The following KANSL1 variants were observed in gnomAD, a reference collection of about 807,000 sequenced individuals.
KANSL1 encodes the protein MLL1/MLL complex subunit KANSL1.
A neutral mutation model predicts 103.6 loss-of-function variants in KANSL1; 22 were observed. That is an observed-to-expected ratio of 0.21 (90% CI 0.15 to 0.30). KANSL1 has a LOEUF of 0.30. KANSL1 is among the 10% of genes least tolerant of loss of function. The pLI, the probability that KANSL1 is intolerant of heterozygous loss-of-function variation, is 1.00. For missense variants in KANSL1, 1,337 were observed against 1,399.8 expected (o/e 0.96, Z 0.72); for synonymous variants, 600 against 527.6 (o/e 1.14, Z -1.88).
chr17:46,059,647 A>AAAAAGAG lies in KANSL1; in HGVS notation c.1848+6889_1848+6890insCTCTTTT, dbSNP rs541946204. On this transcript the variant is annotated intron_variant, in intron 6 of 14. Coordinates refer to ENST00000432791, the MANE Select transcript of KANSL1 (RefSeq NM_015443.4). The stretch of plus-strand genomic sequence containing the variant: ...TGACTCCAAAAAAAAAAAAAAAAAA[A>AAAAAGAG]AGAGAGAGAGAGAGAGAGAAAAGGA... 1.6e-4 allele frequency among the ~76,000 whole-genome samples: 9 copies of AAAAAGAG among 54,872 alleles called. No individual in the cohort carries two copies. In the East Asian group the frequency reaches 2.1e-3, roughly 13 times the overall value. The allele number at this position is 54,872 out of a possible 152,430, so 36.0% of individuals were successfully genotyped here. A position where few individuals can be genotyped will look rare whatever the true frequency, so the allele number is the denominator to read the frequency against.
intron 1 of KANSL1, among the ~76,000 whole-genome samples, chr17:46,189,443 A>G (rs145993368): frequency 2.2e-3 from 339 of 152,308 alleles, no homozygotes; most frequent in African/African-American, 7.8e-3. Flanking sequence ...TAATGGACTC[A>G]CCAAGAAGAA....
intron 4 of KANSL1, among the ~76,000 whole-genome samples, chr17:46,068,047 AAAGT>A (rs2078446888): frequency 6.6e-6 from 1 of 152,150 alleles, no homozygotes; most frequent in Non-Finnish European, 1.5e-5. Flanking sequence ...GTACAGACTA[AAAGT>A]AAGTACCTAT....
chr17:46,094,352 C>T, intron 3 of KANSL1: 2 of 600,808 alleles, frequency 3.3e-6, no homozygotes, highest in South Asian at 2.2e-5. Context: ...CTGCCTTGGC[C>T]TCCCAAAGTG....
intron 8 of KANSL1, 122 bp downstream of exon 8, chr17:46,039,580 A>T (rs1307089397): frequency 2.2e-5 from 24 of 1,113,008 alleles, no homozygotes; most frequent in Non-Finnish European, 3.0e-5. Flanking sequence ...TGTGAGCTGA[A>T]TTTTTTATCG....
chr17:46,190,924 A>G (rs2047285422), intron 1 of KANSL1, among the ~76,000 whole-genome samples: 3 of 152,238 alleles, frequency 2.0e-5, no homozygotes, highest in African/African-American at 7.2e-5. Context: ...CACACTGCAC[A>G]TATCACATGA....
At chr17:46,039,930 T>C in intron 7 of KANSL1, 46 bp from the exon 8 acceptor site, 1 of 1,567,540 alleles carries the variant, frequency 6.4e-7, no homozygotes, top group Non-Finnish European at 8.8e-7. Flanking sequence ...ACACCTGGCC[T>C]CTCTAGTGTT....
chr17:46,170,777 T>C (rs2046242028), intron 2 of KANSL1, 78 bp downstream of exon 2: 1 of 1,419,842 alleles, frequency 7.0e-7, no homozygotes. Context: ...AATCACATTC[T>C]CTCCATAATG....
At chr17:46,207,716 G>A (rs1396940791) in intron 1 of KANSL1, among the ~76,000 whole-genome samples, 2 of 152,200 alleles carry the variant, frequency 1.3e-5, no homozygotes, top group Non-Finnish European at 2.9e-5. Flanking sequence ...AGGGGATCAG[G>A]CCTGTAATCC....
intron 1 of KANSL1, among the ~76,000 whole-genome samples, chr17:46,189,352 G>GA (rs2147898981): frequency 6.6e-6 from 1 of 152,302 alleles, no homozygotes; most frequent in Admixed American, 6.5e-5. Context: ...ATGGAACGGA[G>GA]AGGTCCTTTG....
intron 3 of KANSL1, 24 bp from the exon 4 acceptor site, chr17:46,082,566 T>C (rs778940169): frequency 1.3e-5 from 18 of 1,362,150 alleles, no homozygotes; most frequent in East Asian, 4.6e-5. Context: ...AGGAGAAAAA[T>C]AGCATAAGTG....
chr17:46,210,503 G>GTTTTTTTTTAAAA (rs2048131724), intron 1 of KANSL1, among the ~76,000 whole-genome samples: 1 of 12,882 alleles, frequency 7.8e-5, no homozygotes, highest in South Asian at 3.4e-3. Context: ...AAAAAAAAAA[G>GTTTTTTTTTAAAA]ACCTGAGTGG....
intron 4 of KANSL1, among the ~76,000 whole-genome samples, chr17:46,078,546 T>G (rs1159165628): frequency 6.7e-6 from 1 of 149,406 alleles, no homozygotes; most frequent in Non-Finnish European, 1.5e-5. Context: ...CTGAACTCCA[T>G]CCTCTGATAA....
chr17:46,154,581 C>A (rs1043581918), intron 2 of KANSL1, among the ~76,000 whole-genome samples: 6 of 152,194 alleles, frequency 3.9e-5, no homozygotes, highest in African/African-American at 1.4e-4. Context: ...CGTGCCCGGG[C>A]TCTCACCACA....
Position 46,064,132 on chromosome 17 carries a change from C to T in KANSL1, c.1848+2405G>A, listed in dbSNP as rs1434415922. Among the ~76,000 whole-genome samples the T allele has an allele frequency of 2.0e-5, 3 of 149,816 alleles. No homozygotes were observed. The East Asian group carries it at 5.9e-4, about 29-fold the overall frequency. On this transcript the variant is annotated intron_variant, in intron 6 of 14. Coordinates refer to ENST00000432791, the MANE Select transcript of KANSL1 (RefSeq NM_015443.4). ...ACCCTGCCAAATACCTTATTCTTAT[C>T]TATTTCTGCTATTTTGATATTTCAG...
intron 6 of KANSL1, among the ~76,000 whole-genome samples, chr17:46,059,647 A>AAAAGAGAGAGAGAGAG (rs541946204): frequency 4.6e-3 from 255 of 54,870 alleles, no homozygotes; most frequent in Non-Finnish European, 7.1e-3. Flanking sequence ...AAAAAAAAAA[A>AAAAGAGAGAGAGAGAG]AGAGAGAGAG....
rs1395550806 is a variant in KANSL1, at chr17:46,086,150, A to G, written c.1432-3608T>C. Among the ~76,000 whole-genome samples, 4 of 151,888 alleles carry G rather than the reference A, an allele frequency of 2.6e-5. No homozygotes were observed. In the East Asian group the frequency reaches 7.7e-4, roughly 29 times the overall value. ...AATTAGATATAAAATTACTCCTTCA[A>G]TTTTTCTTTTTCAGTTATATGAAAG... On this transcript the variant is annotated intron_variant, in intron 3 of 14. Transcript: ENST00000432791.
At chr17:46,201,890 C>G (rs112390450) in intron 1 of KANSL1, among the ~76,000 whole-genome samples, 4,351 of 152,224 alleles carry the variant, frequency 0.029, 223 homozygotes, top group African/African-American at 0.1. Context: ...ACCTGTAGTC[C>G]CAGCTACACA....
chr17:46,077,853 C>T (rs1480270732), intron 4 of KANSL1, among the ~76,000 whole-genome samples: 1 of 152,110 alleles, frequency 6.6e-6, no homozygotes, highest in East Asian at 1.9e-4. Flanking sequence ...CCACCGTGCT[C>T]GGCCTAAAGT....
In KANSL1 at chr17:46,165,878, T is replaced by C. The variant is rs183120150; in HGVS notation, c.1289+4977A>G. On this transcript the variant is annotated intron_variant, in intron 2 of 14. Transcript: ENST00000432791. ...AACCTATAAACACACTAGTAATTCA[T>C]TTTACCATGAGGTCTTCATAAACTC... is the stretch of plus-strand genomic sequence containing the variant. Among the ~76,000 whole-genome samples the C allele has an allele frequency of 6.6e-5, 10 of 152,266 alleles. No homozygotes were observed. The East Asian group carries it at 1.9e-3, about 29-fold the overall frequency.
Sources: gnomAD v4.1 joint callset for allele counts (sites outside exome capture counted in the v4.1 genomes callset) on GRCh38, gnomAD v4.1.1 for gene constraint, MANE v1.5 for transcripts, NCBI Gene and HGNC (gene_info 2026-07-23, HGNC 2026-07-21) for gene names.